Variants in EML4 observed in about 807,000 individuals in gnomAD.
The protein encoded by EML4 is EMAP like 4, also known as echinoderm microtubule-associated protein-like 4.
Under a neutral mutation model 129.0 loss-of-function variants are expected in EML4, and 72 were observed. The observed-to-expected ratio is 0.56, with a 90% CI of 0.46 to 0.68. The LOEUF is 0.68. EML4 is among the 30% of genes least tolerant of loss of function. EML4 has a pLI of 0.00. For synonymous variants in EML4, 532 were observed against 405.0 expected (o/e 1.31, Z -3.77); for missense variants, 1,363 against 1,190.6 (o/e 1.14, Z -2.13).
chr2:42,211,417 G>T (rs1247884942), intron 1 of EML4, among the ~76,000 whole-genome samples: 2 of 152,224 alleles, frequency 1.3e-5, no homozygotes, highest in African/African-American at 4.8e-5. Context: ...TTTCTGATCA[G>T]AGACTGATTG....
At chr2:42,292,741 G>A (rs1025401033) in intron 11 of EML4, among the ~76,000 whole-genome samples, 2 of 151,594 alleles carry the variant, frequency 1.3e-5, no homozygotes, top group Admixed American at 6.6e-5. Context: ...TAAAATCTGT[G>A]TGCATATATA....
intron 17 of EML4, among the ~76,000 whole-genome samples, chr2:42,313,452 A>C (rs1488621437): frequency 3.3e-5 from 5 of 152,166 alleles, no homozygotes; most frequent in African/African-American, 1.2e-4. Context: ...TAGACAAGGT[A>C]AAAAATTGGT....
At chr2:42,284,724 C>T (rs1017350213) in intron 9 of EML4, 21 bp downstream of exon 9, 4 of 1,560,284 alleles carry the variant, frequency 2.6e-6, no homozygotes, top group South Asian at 1.2e-5. Flanking sequence ...TAGTGTTATG[C>T]CTTCTGTACC....
intron 1 of EML4, among the ~76,000 whole-genome samples, chr2:42,222,547 C>A (rs1336729723): frequency 3.3e-5 from 5 of 152,090 alleles, no homozygotes; most frequent in African/African-American, 1.2e-4. Context: ...GGACAAAGAC[C>A]TTTTGTCCTA....
intron 1 of EML4, among the ~76,000 whole-genome samples, chr2:42,210,700 A>G (rs1187595331): frequency 3.3e-5 from 5 of 152,164 alleles, no homozygotes; most frequent in Admixed American, 2.0e-4. Context: ...TTGGGTTAAG[A>G]TCCAATACTA....
intron 22 of EML4, among the ~76,000 whole-genome samples, 156 bp from the exon 23 acceptor site, chr2:42,329,578 C>T (rs1454309111): frequency 6.6e-6 from 1 of 152,162 alleles, no homozygotes; most frequent in African/African-American, 2.4e-5. Flanking sequence ...GAAATAACGG[C>T]TAGCCTTACT....
intron 1 of EML4, among the ~76,000 whole-genome samples, chr2:42,201,054 A>C (rs1672202761): frequency 6.6e-6 from 1 of 152,224 alleles, no homozygotes; most frequent in Admixed American, 6.5e-5. Context: ...AGTTCTTTTA[A>C]GTGAAGGATA....
At chr2:42,328,161 A>G (rs1306980865) in intron 21 of EML4, among the ~76,000 whole-genome samples, 2 of 152,238 alleles carry the variant, frequency 1.3e-5, no homozygotes, top group East Asian at 1.9e-4. Context: ...ACTTGTTTTT[A>G]GCAAATTTAC....
intron 1 of EML4, among the ~76,000 whole-genome samples, chr2:42,242,597 T>C (rs1163504397): frequency 6.6e-6 from 1 of 152,130 alleles, no homozygotes; most frequent in African/African-American, 2.4e-5. Context: ...ATCTCATGAC[T>C]ACTACTCCTG....
intron 11 of EML4, among the ~76,000 whole-genome samples, chr2:42,294,798 TAAGA>T (rs1309143816): frequency 6.6e-6 from 1 of 152,146 alleles, no homozygotes; most frequent in East Asian, 1.9e-4. Flanking sequence ...GCAGTGTCTT[TAAGA>T]AAGAATGTAC....
At chr2:42,207,889 A>C (rs972328157) in intron 1 of EML4, 2 of 152,190 alleles carry the variant, frequency 1.3e-5, no homozygotes, top group Non-Finnish European at 2.9e-5. Context: ...CTATAGTTAC[A>C]TTATCTTATT....
intron 1 of EML4, among the ~76,000 whole-genome samples, chr2:42,233,139 A>T (rs544306761): frequency 4.6e-4 from 70 of 152,100 alleles, no homozygotes; most frequent in African/African-American, 1.7e-3. Flanking sequence ...AACTCCTCAC[A>T]TTTAGTTTGG....
chr2:42,266,647 A>G (rs1237936787), intron 6 of EML4, among the ~76,000 whole-genome samples: 11 of 131,802 alleles, frequency 8.3e-5, no homozygotes, highest in African/African-American at 3.3e-4. Flanking sequence ...TCTGGTCCGA[A>G]AACTTTTTTT....
intron 6 of EML4, among the ~76,000 whole-genome samples, chr2:42,278,573 C>CAAAAAAAAA (rs35916382): frequency 1.8e-5 from 1 of 54,286 alleles, no homozygotes; most frequent in Non-Finnish European, 3.2e-5. Flanking sequence ...GACTCCATCT[C>CAAAAAAAAA]AAAAAAAAAA....
intron 1 of EML4, among the ~76,000 whole-genome samples, chr2:42,178,892 A>G (rs776850435): frequency 6.6e-6 from 1 of 152,214 alleles, no homozygotes; most frequent in Non-Finnish European, 1.5e-5. Flanking sequence ...TAAAATTTAT[A>G]TGATTGTTTT....
At chr2:42,287,339 T>C (rs978407848) in intron 10 of EML4, among the ~76,000 whole-genome samples, 1 of 152,212 alleles carries the variant, frequency 6.6e-6, no homozygotes, top group African/African-American at 2.4e-5. Flanking sequence ...TTTGCTACTT[T>C]ATTTTCTCCC....
intron 1 of EML4, among the ~76,000 whole-genome samples, chr2:42,228,319 CT>C (rs1162331649): frequency 6.6e-6 from 1 of 152,144 alleles, no homozygotes; most frequent in Non-Finnish European, 1.5e-5. Flanking sequence ...GTCAGCACCC[CT>C]AACCCCTACA....
At chr2:42,176,325 G>A (rs550109808) in intron 1 of EML4, among the ~76,000 whole-genome samples, 2 of 152,196 alleles carry the variant, frequency 1.3e-5, no homozygotes, top group East Asian at 1.9e-4. Flanking sequence ...GCATGGCGTC[G>A]AGAATCTCCA....
Position 42,286,571 on chromosome 2 carries a change from G to C in EML4, c.1122+192G>C, listed in dbSNP as rs1156992494. On this transcript the variant is annotated intron_variant, in intron 10 of 22. Transcript: ENST00000318522. The stretch of plus-strand genomic sequence containing the variant: ...CTAAGTCCTAAAGTACTTTGGTTTA[G>C]TTAGGATGCAAGATATTTTACTTTA... 2.0e-5 allele frequency among the ~76,000 whole-genome samples: 3 copies of C among 152,310 alleles called. No individual in the cohort carries two copies. The East Asian group carries it at 5.8e-4, about 29-fold the overall frequency.
Sources: allele counts gnomAD v4.1 joint callset (sites outside exome capture counted in the v4.1 genomes callset), GRCh38; gene constraint gnomAD v4.1.1; transcripts MANE v1.5; gene names NCBI Gene and HGNC (gene_info 2026-07-23, HGNC 2026-07-21).